Variants in MYO1F observed in about 807,000 individuals in gnomAD.
The protein encoded by MYO1F is myosin IF.
A neutral mutation model predicts 146.6 loss-of-function variants in MYO1F; 60 were observed. That is an observed-to-expected ratio of 0.41 (90% CI 0.33 to 0.51). The LOEUF is 0.51. Among genes scored for constraint, MYO1F ranks in the 20% least tolerant of loss-of-function variants. The pLI, the probability that MYO1F is intolerant of heterozygous loss-of-function variation, is 0.25. For synonymous variants in MYO1F, 602 were observed against 602.1 expected (o/e 1.00, Z 0.00); for missense variants, 1,274 against 1,534.3 (o/e 0.83, Z 2.83).
chr19:8,555,376 C>CAAAAA (rs886749061), intron 2 of MYO1F: 101 of 100,256 alleles, frequency 1.0e-3, no homozygotes, highest in South Asian at 1.4e-3. Context: ...GACTCCGTCT[C>CAAAAA]AAAAAAAAAA....
At chr19:8,557,399 C>A (rs1478133033) in intron 1 of MYO1F, among the ~76,000 whole-genome samples, 1 of 152,134 alleles carries the variant, frequency 6.6e-6, no homozygotes, top group East Asian at 1.9e-4. Flanking sequence ...TGGGCTCAAG[C>A]AATCCTTCCA....
rs561129153 is a variant in MYO1F, at chr19:8,548,089, C to T, written c.1216G>A (p.Val406Ile). 93 of 1,610,220 alleles carry T rather than the reference C, an allele frequency of 5.8e-5. 3 individuals carry two copies. In the South Asian group the frequency reaches 8.9e-4, roughly 15 times the overall value. The change falls in exon 12 of 28, where the codon GTC (valine) becomes ATC (isoleucine). Residue 406 changes from valine to isoleucine, a missense_variant. Transcript: ENST00000644032. ...NGFEQFCINF[V>I]NEKLQQIFIE... ...AAGATTTGCTGCAGCTTCTCATTGACGAAGTTGATGCAAAACTGCTCGAAG... is the reference window on the plus strand; with the variant it reads ...AAGATTTGCTGCAGCTTCTCATTGATGAAGTTGATGCAAAACTGCTCGAAG...
chr19:8,527,030 G>C, intron 22 of MYO1F, 95 bp from the exon 23 acceptor site: 2 of 1,530,250 alleles, frequency 1.3e-6, no homozygotes, highest in East Asian at 4.5e-5. Context: ...ATTTAGGGAA[G>C]GGTCAGCTAA....
intron 1 of MYO1F, among the ~76,000 whole-genome samples, chr19:8,575,059 G>C (rs1173824199): frequency 6.6e-6 from 1 of 150,676 alleles, no homozygotes; most frequent in African/African-American, 2.4e-5. Flanking sequence ...CCCTGCCAAC[G>C]GCATTAGATT....
intron 24 of MYO1F, 59 bp downstream of exon 24, chr19:8,526,394 C>T: frequency 6.5e-7 from 1 of 1,543,524 alleles, no homozygotes; most frequent in Non-Finnish European, 8.7e-7. Flanking sequence ...TGGCCTTCGT[C>T]CACTCTTAAC....
At chr19:8,543,966 G>GTGGTGC (rs1168863193) in intron 14 of MYO1F, 27 of 344,034 alleles carry the variant, frequency 7.8e-5, no homozygotes, top group Non-Finnish European at 9.2e-5. Context: ...GGTGGTGGTG[G>GTGGTGC]TGGTGCTGGT....
intron 10 of MYO1F, 100 bp from the exon 11 acceptor site, chr19:8,548,417 A>G: frequency 9.6e-7 from 1 of 1,037,712 alleles, no homozygotes; most frequent in Non-Finnish European, 1.5e-6. Flanking sequence ...TTCATGGGTG[A>G]TGTCCCCTCA....
In MYO1F at chr19:8,545,640, C is replaced by G. The variant is rs767256717; in HGVS notation, c.1356+10G>C. The G allele has an allele frequency of 6.2e-7, 1 of 1,612,788 alleles. No individual in the cohort carries two copies. The highest frequency in any genetic ancestry group is 1.1e-5 in the South Asian group (1 of 91,060). ...TGAGACGCCCCCGCCAAAGTTGACC[C>G]AGCCCTCACCAGCTTGTTTTCGATG... is the stretch of plus-strand genomic sequence containing the variant. On this transcript the variant is annotated intron_variant, in intron 13 of 27. Coordinates refer to ENST00000644032, the MANE Select transcript of MYO1F (RefSeq NM_012335.4).
chr19:8,525,718 TA>T (rs1378205435), intron 24 of MYO1F, among the ~76,000 whole-genome samples, 156 bp from the exon 25 acceptor site: 1 of 152,130 alleles, frequency 6.6e-6, no homozygotes, highest in East Asian at 1.9e-4. Context: ...CTCCGCCCAC[TA>T]ATTGGCCTCG....
rs1209334245 is a variant in MYO1F, at chr19:8,522,469, C to G, written c.3128G>C (p.Gly1043Ala). The G allele has an allele frequency of 9.3e-6, 15 of 1,613,964 alleles. No individual in the cohort carries two copies. The highest frequency in any genetic ancestry group is 2.7e-5 in the African/African-American group (2 of 74,940). Residue 1043 changes from glycine (G) to alanine (A), a missense_variant, in exon 27 of 28, where the codon GGT becomes GCT. Coordinates refer to ENST00000644032, the MANE Select transcript of MYO1F (RefSeq NM_012335.4). ...CTGGTATAGGGCCCGGCACCTGGGA[C>G]CATGTGTCCGAGGCTGGGGCTTGGG... ...GRPKPQPRTHGPRCRALYQYV... is the reference protein window; with the variant it reads ...GRPKPQPRTHAPRCRALYQYV...
intron 1 of MYO1F, among the ~76,000 whole-genome samples, chr19:8,567,840 T>A (rs1014555494): frequency 1.3e-5 from 2 of 152,150 alleles, no homozygotes; most frequent in Non-Finnish European, 2.9e-5. Context: ...GGGGAGAAGA[T>A]GGGTCATGTC....
intron 1 of MYO1F, among the ~76,000 whole-genome samples, chr19:8,574,697 CTCTCTT>C (rs1457121654): frequency 2.8e-5 from 3 of 106,978 alleles, no homozygotes; most frequent in Non-Finnish European, 4.0e-5. Context: ...CTTTCTCTTT[CTCTCTT>C]TCTTTCTTTT....
At chr19:8,543,451 G>A (rs1252896975) in intron 14 of MYO1F, among the ~76,000 whole-genome samples, 1 of 151,982 alleles carries the variant, frequency 6.6e-6, no homozygotes, top group Non-Finnish European at 1.5e-5. Context: ...ATCAGAAGGT[G>A]GGGGGCTGTG....
intron 25 of MYO1F, 70 bp from the exon 26 acceptor site, chr19:8,522,899 C>T: frequency 1.4e-6 from 2 of 1,386,994 alleles, no homozygotes; most frequent in Non-Finnish European, 2.0e-6. Context: ...GACTTGGCTT[C>T]AAGTTCTCAG....
At chr19:8,544,035 G>GCAGTGA in intron 14 of MYO1F, 1 of 546,692 alleles carries the variant, frequency 1.8e-6, no homozygotes, top group East Asian at 3.1e-5. Flanking sequence ...GGTGGCGGTG[G>GCAGTGA]CGGTGCTGGT....
intron 19 of MYO1F, among the ~76,000 whole-genome samples, chr19:8,534,706 A>T (rs1461426381): frequency 6.7e-6 from 1 of 150,056 alleles, no homozygotes; most frequent in South Asian, 2.1e-4. Context: ...GCTCACTGCA[A>T]CCTCTGCCTC....
intron 10 of MYO1F, chr19:8,549,365 G>A (rs1973506644): frequency 6.6e-6 from 1 of 151,708 alleles, no homozygotes; most frequent in Non-Finnish European, 1.5e-5. Flanking sequence ...TCAACCTCCT[G>A]GGGTCAGGGA....
At position 8,542,845 on chromosome 19, in the gene MYO1F, C is replaced by T. The variant is rs372342512; in HGVS notation, c.1525-854G>A. ...GTCTCGATCTCCTGACCTTGTGATCCGCCCGCCTCAGCCTCCCAAAGTGCT... is the reference window on the plus strand; with the variant it reads ...GTCTCGATCTCCTGACCTTGTGATCTGCCCGCCTCAGCCTCCCAAAGTGCT... On this transcript the variant is annotated intron_variant, in intron 14 of 27. Transcript: ENST00000644032. Among the ~76,000 whole-genome samples, 17 of 151,574 alleles carry T rather than the reference C, an allele frequency of 1.1e-4. No individual in the cohort carries two copies. In the East Asian group the frequency reaches 1.6e-3, roughly 14 times the overall value.
chr19:8,559,952 GAA>G (rs60369992), intron 1 of MYO1F, among the ~76,000 whole-genome samples: 28 of 108,508 alleles, frequency 2.6e-4, no homozygotes, highest in African/African-American at 8.1e-4. Context: ...CTCCATCTCA[GAA>G]AAAAAAAAAA....
Sources: gnomAD v4.1 joint callset for allele counts (sites outside exome capture counted in the v4.1 genomes callset) on GRCh38, gnomAD v4.1.1 for gene constraint, MANE v1.5 for transcripts, NCBI Gene and HGNC (gene_info 2026-07-23, HGNC 2026-07-21) for gene names.